Variants in CNTRL observed in about 807,000 individuals in gnomAD.
CNTRL encodes the protein centriolin.
In CNTRL, 233 loss-of-function variants were observed where a neutral mutation model predicts 303.7. That is an observed-to-expected ratio of 0.77 (90% confidence interval 0.69 to 0.86). The LOEUF is 0.86. Among genes scored for constraint, CNTRL ranks in the 40% least tolerant of loss-of-function variants. The pLI, the probability that CNTRL is intolerant of heterozygous loss-of-function variation, is 0.00. For synonymous variants in CNTRL, 900 were observed against 922.2 expected, an observed-to-expected ratio of 0.98 and a Z score of 0.44; for missense variants, 2,524 against 2,650.6, an observed-to-expected ratio of 0.95 and a Z score of 1.05.
chr9:121,172,872 G>A (rs2131923746), intron 40 of CNTRL, among the ~76,000 whole-genome samples: 1 of 152,250 alleles, frequency 6.6e-6, no homozygotes, highest in African/African-American at 2.4e-5. Context: ...TTATCTCCAT[G>A]TATAAATGAG....
At chr9:121,162,366 AAAATACACCAC>A in intron 34 of CNTRL, 95 bp downstream of exon 34, 1 of 1,022,890 alleles carries the variant, frequency 9.8e-7, no homozygotes, top group Non-Finnish European at 1.5e-6. Context: ...AGAAAAAGAT[AAAATACACCAC>A]AAACTTGGTA....
chr9:121,167,204 G>A (rs1267758747), intron 36 of CNTRL, among the ~76,000 whole-genome samples: 3 of 151,946 alleles, frequency 2.0e-5, no homozygotes, highest in African/African-American at 2.4e-5. Flanking sequence ...CCAGCTACTC[G>A]AGAGGCTGAG....
Position 121,175,150 on chromosome 9 carries a change from G to T in CNTRL, c.6880G>T (p.Asp2294Tyr), listed in dbSNP as rs750673883. The change falls in exon 43 of 44, where the codon GAT becomes TAT. Residue 2294 changes from aspartate to tyrosine, a missense_variant. Coordinates refer to ENST00000373855, the MANE Select transcript of CNTRL (RefSeq NM_007018.6). Reference protein sequence around the residue: ...LGELVTSTSADSASSPSLSQL... With the variant: ...LGELVTSTSAYSASSPSLSQL... Reference sequence around the variant, plus strand: ...GGAATTGGTCACCAGCACCTCTGCAGATTCAGCGTCATCACCCAGTCTGTC... The same window carrying T: ...GGAATTGGTCACCAGCACCTCTGCATATTCAGCGTCATCACCCAGTCTGTC... The T allele has an allele frequency of 6.2e-7, 1 of 1,614,178 alleles. No homozygotes were observed. Among genetic ancestry groups the T allele is most frequent in the Non-Finnish European group, 8.5e-7 (1 of 1,180,026 alleles).
At chr9:121,142,909 A>G (rs1404746021) in intron 19 of CNTRL, among the ~76,000 whole-genome samples, 1 of 149,806 alleles carries the variant, frequency 6.7e-6, no homozygotes, top group Non-Finnish European at 1.5e-5. Context: ...TCTACCAACT[A>G]TAACTTTTTT....
rs909616466 is a variant in CNTRL, at chr9:121,156,037, G to A, written c.4365+1124G>A. ...CCTTTTCAGATGAGCTGTTCCTTCT[G>A]TTGTCATATGTTGGATTACTGTGAG... On this transcript the variant is annotated intron_variant, in intron 27 of 43. Coordinates refer to ENST00000373855, the MANE Select transcript of CNTRL (RefSeq NM_007018.6). 6.8e-4 allele frequency among the ~76,000 whole-genome samples: 104 copies of A among 152,048 alleles called. 2 individuals are homozygous for A. Among genetic ancestry groups the A allele is most frequent in the African/African-American group, 2.3e-3 (95 of 41,482 alleles).
At position 121,125,687 on chromosome 9, in the gene CNTRL, T is replaced by C. The variant is rs1221300763; in HGVS notation, c.1805-29T>C. The C allele has an allele frequency of 4.4e-6, 7 of 1,578,796 alleles. No homozygotes were observed. In the Admixed American group the frequency reaches 5.0e-5, roughly 11 times the overall value. ...GACAATGCAGTACTTTAAAAAGATA[T>C]ATTATTACCCTTTTTGCATCTTGCT... On this transcript the variant is annotated intron_variant, in intron 13 of 43. Coordinates refer to ENST00000373855, the MANE Select transcript of CNTRL (RefSeq NM_007018.6).
chr9:121,118,219 C>G, intron 11 of CNTRL, 127 bp from the exon 12 acceptor site: 1 of 676,334 alleles, frequency 1.5e-6, no homozygotes, highest in Non-Finnish European at 2.2e-6. Context: ...TAGATAACTC[C>G]CACATTTCAC....
chr9:121,144,787 TGAA>T, intron 20 of CNTRL, 53 bp from the exon 21 acceptor site: 1 of 1,323,410 alleles, frequency 7.6e-7, no homozygotes, highest in Non-Finnish European at 1.1e-6. Flanking sequence ...GAGGAAGAAA[TGAA>T]GAAGACAACC....
intron 2 of CNTRL, among the ~76,000 whole-genome samples, chr9:121,084,324 T>C (rs1462206091): frequency 1.3e-5 from 2 of 152,210 alleles, no homozygotes; most frequent in Non-Finnish European, 2.9e-5. Flanking sequence ...ACCTTGCAAA[T>C]GTAGGACTCT....
Position 121,165,105 on chromosome 9 carries a change from A to G in CNTRL, c.5581+5A>G, listed in dbSNP as rs767580324. The G allele has an allele frequency of 1.3e-6, 2 of 1,561,220 alleles. No individual in the cohort carries two copies. Among genetic ancestry groups the G allele is most frequent in the Admixed American group, 2.0e-5 (1 of 48,904 alleles). ...CAATGCAACAGCAGCTCCAAGGTAT[A>G]AGGCAGCAAAACAGTGAAAGTGTGT... On this transcript the variant is annotated splice_donor_5th_base_variant and intron_variant, in intron 35 of 43. Transcript: ENST00000373855.
intron 8 of CNTRL, 46 bp from the exon 9 acceptor site, chr9:121,112,413 A>G (rs2049786390): frequency 1.9e-6 from 3 of 1,586,662 alleles, no homozygotes; most frequent in African/African-American, 2.7e-5. Flanking sequence ...CCTTTATACT[A>G]ACTTACTGAT....
At chr9:121,145,471 C>G in intron 22 of CNTRL, 86 bp downstream of exon 22, 1 of 1,312,586 alleles carries the variant, frequency 7.6e-7, no homozygotes, top group Non-Finnish European at 1.0e-6. Context: ...TTAACTGTTA[C>G]AAATCAAGTC....
intron 7 of CNTRL, among the ~76,000 whole-genome samples, chr9:121,107,361 A>G (rs2049525916): frequency 6.6e-6 from 1 of 152,232 alleles, no homozygotes; most frequent in South Asian, 2.1e-4. Flanking sequence ...AGTCCAAATT[A>G]TGAAGAACTT....
At chr9:121,104,694 ATTT>A (rs10693661) in intron 7 of CNTRL, among the ~76,000 whole-genome samples, 6 of 96,450 alleles carry the variant, frequency 6.2e-5, no homozygotes, top group Admixed American at 1.4e-4. Context: ...GCCACTGGCA[ATTT>A]TTTTTTTTTT....
intron 12 of CNTRL, among the ~76,000 whole-genome samples, chr9:121,119,389 A>C (rs2050129450): frequency 1.4e-5 from 2 of 146,468 alleles, no homozygotes; most frequent in Non-Finnish European, 3.0e-5. Flanking sequence ...TCCGCCTCCC[A>C]GGTTCAAGCG....
intron 40 of CNTRL, among the ~76,000 whole-genome samples, chr9:121,172,434 A>G (rs1037966344): frequency 1.3e-5 from 2 of 152,072 alleles, no homozygotes; most frequent in Non-Finnish European, 2.9e-5. Context: ...TGAGCTCAGG[A>G]GTTCAAGACC....
At chr9:121,123,845 C>T in intron 12 of CNTRL, 86 bp from the exon 13 acceptor site, 1 of 987,254 alleles carries the variant, frequency 1.0e-6, no homozygotes, top group Non-Finnish European at 1.4e-6. Flanking sequence ...ATTTTCTATT[C>T]TTCCTTTAAA....
intron 11 of CNTRL, among the ~76,000 whole-genome samples, chr9:121,116,481 C>T (rs529241035): frequency 2.6e-5 from 4 of 152,160 alleles, no homozygotes; most frequent in East Asian, 1.9e-4. Flanking sequence ...CCATCACTCC[C>T]GGCTAATTTT....
chr9:121,167,347 A>T, intron 36 of CNTRL, 142 bp from the exon 37 acceptor site: 1 of 674,220 alleles, frequency 1.5e-6, no homozygotes, highest in Non-Finnish European at 2.5e-6. Flanking sequence ...ATTCTCTTGT[A>T]CCTGTAAGTT....
Sources: gnomAD v4.1 joint callset for allele counts (sites outside exome capture counted in the v4.1 genomes callset) on GRCh38, gnomAD v4.1.1 for gene constraint, MANE v1.5 for transcripts, NCBI Gene and HGNC (gene_info 2026-07-23, HGNC 2026-07-21) for gene names.